The following SSU72 variants were observed in gnomAD, a reference collection of about 807,000 sequenced individuals.
SSU72 encodes RNA polymerase II subunit A C-terminal domain phosphatase SSU72.
A neutral mutation model predicts 22.7 loss-of-function variants in SSU72; 12 were observed. That is an observed-to-expected ratio of 0.53 (90% CI 0.34 to 0.86). SSU72 has a LOEUF of 0.86. SSU72 is among the 40% of genes least tolerant of loss of function. The pLI is 0.02. For synonymous variants in SSU72, 116 were observed against 98.3 expected, an observed-to-expected ratio of 1.18 and a Z score of -1.06; for missense variants, 151 against 249.8, an observed-to-expected ratio of 0.60 and a Z score of 2.67.
At chr1:1,568,417 C>T (rs926054416) in intron 1 of SSU72, among the ~76,000 whole-genome samples, 8 of 152,104 alleles carry the variant, frequency 5.3e-5, no homozygotes, top group African/African-American at 1.9e-4. Flanking sequence ...CATGACAAAA[C>T]CCCGTCTCTA....
chr1:1,556,831 C>T (rs1008408207), intron 2 of SSU72, among the ~76,000 whole-genome samples: 1 of 152,218 alleles, frequency 6.6e-6, no homozygotes, highest in African/African-American at 2.4e-5. Flanking sequence ...TGACCCTGGG[C>T]TACCTCTTGA....
intron 1 of SSU72, among the ~76,000 whole-genome samples, chr1:1,569,356 C>T (rs771216015): frequency 6.6e-6 from 1 of 152,136 alleles, no homozygotes; most frequent in Non-Finnish European, 1.5e-5. Context: ...ACTCCCAGGA[C>T]TCTGGTATTT....
At chr1:1,557,058 G>A (rs115315351) in intron 2 of SSU72, among the ~76,000 whole-genome samples, 1,551 of 152,288 alleles carry the variant, frequency 0.01, 13 homozygotes, top group Non-Finnish European at 0.017. Context: ...TCTGGGAATC[G>A]GCGTCTGGCT....
At chr1:1,564,537 A>C (rs1642634555) in intron 2 of SSU72, 2 of 1,552,240 alleles carry the variant, frequency 1.3e-6, no homozygotes, top group Non-Finnish European at 1.7e-6. Context: ...GAACCACGTC[A>C]GGGTGAACCC....
At position 1,554,950 on chromosome 1, in the gene SSU72, A is replaced by T. The variant is rs534387463; in HGVS notation, c.224+9823T>A. On this transcript the variant is annotated intron_variant, in intron 2 of 4. Coordinates refer to ENST00000291386, the MANE Select transcript of SSU72 (RefSeq NM_014188.3). This position sits in a 1 kb window ranked among gnomAD's most constrained non-coding sequence, Gnocchi z 4.1. Reference sequence around the variant, plus strand: ...GACGTCAAGTCTCCTGAAGGTGTTGATGCTCCGTGGAAGCCTTGGTCCTTC... The same window carrying T: ...GACGTCAAGTCTCCTGAAGGTGTTGTTGCTCCGTGGAAGCCTTGGTCCTTC... Among the ~76,000 whole-genome samples, 25 of 152,178 alleles carry T rather than the reference A, an allele frequency of 1.6e-4. No homozygotes were observed. The highest frequency in any genetic ancestry group is 6.0e-4 in the African/African-American group (25 of 41,524).
intron 1 of SSU72, among the ~76,000 whole-genome samples, chr1:1,569,456 T>G (rs949991282): frequency 6.6e-6 from 1 of 152,108 alleles, no homozygotes; most frequent in Non-Finnish European, 1.5e-5. Context: ...ATCAGGAAAA[T>G]AGAGTCCACG....
intron 1 of SSU72, among the ~76,000 whole-genome samples, chr1:1,566,226 CT>C (rs1642659378): frequency 6.6e-6 from 1 of 152,186 alleles, no homozygotes; most frequent in South Asian, 2.1e-4. Context: ...GATCTCACCA[CT>C]GCACTCCAGC....
chr1:1,564,648 C>T (rs1642637271), intron 2 of SSU72, 125 bp downstream of exon 2: 9 of 1,613,992 alleles, frequency 5.6e-6, no homozygotes, highest in South Asian at 5.5e-5. Flanking sequence ...ACCAAGCTCT[C>T]GCAAAGACAG....
chr1:1,574,659 A>G lies in SSU72; in HGVS notation c.-102T>C, dbSNP rs1400516953. 177 of 1,080,526 alleles carry G rather than the reference A, an allele frequency of 1.6e-4. No homozygotes were observed. Among genetic ancestry groups the G allele is most frequent in the Middle Eastern group, 3.1e-4 (1 of 3,252 alleles). The allele number at this position is 1,080,526 out of a possible 1,614,324, so 66.9% of individuals were successfully genotyped here. Reference sequence around the variant, plus strand: ...CGGCCGCGGTGGCCGGAAGCGGGCGACGCGAAACGACGGCGCCGGCGGTGT... The same window carrying G: ...CGGCCGCGGTGGCCGGAAGCGGGCGGCGCGAAACGACGGCGCCGGCGGTGT... On this transcript the variant is annotated 5_prime_UTR_variant, in exon 1 of 5. Coordinates refer to ENST00000291386, the MANE Select transcript of SSU72 (RefSeq NM_014188.3).
At chr1:1,574,121 T>C (rs1245752831) in intron 1 of SSU72, among the ~76,000 whole-genome samples, 3 of 151,906 alleles carry the variant, frequency 2.0e-5, no homozygotes, top group African/African-American at 7.3e-5. Context: ...GCCGTGATTG[T>C]GTTGCGCGCC....
chr1:1,566,630 ATCATGAGG>A (rs1324292327), intron 1 of SSU72, among the ~76,000 whole-genome samples: 3 of 152,196 alleles, frequency 2.0e-5, no homozygotes, highest in Non-Finnish European at 4.4e-5. Context: ...AGGTGGGCAG[ATCATGAGG>A]TCAGGAGATC....
At chr1:1,570,915 C>G (rs375978082) in intron 1 of SSU72, among the ~76,000 whole-genome samples, 4 of 147,134 alleles carry the variant, frequency 2.7e-5, no homozygotes, top group Non-Finnish European at 6.0e-5. Flanking sequence ...ATCGAGACCA[C>G]CCTGGCCAAC....
At position 1,559,810 on chromosome 1, in the gene SSU72, TC is replaced by T. The variant is rs567887137; in HGVS notation, c.224+4962del. On this transcript the variant is annotated intron_variant, in intron 2 of 4. Transcript: ENST00000291386. ...GGTGCAACTTCGGCTCACGGCAACCTCCATCTCCCAGGTTCAAGTGATTCTC... is the reference window on the plus strand; with the variant it reads ...GGTGCAACTTCGGCTCACGGCAACCTCATCTCCCAGGTTCAAGTGATTCTC... 3.3e-3 allele frequency among the ~76,000 whole-genome samples: 507 copies of T among 152,298 alleles called. 3 individuals are homozygous for T. Among genetic ancestry groups the T allele is most frequent in the African/African-American group, 0.011 (472 of 41,560 alleles).
chr1:1,574,603 C>G lies in SSU72; in HGVS notation c.-46G>C. 1.3e-6 allele frequency: 2 copies of G among 1,532,972 alleles called. No individual in the cohort carries two copies. The highest frequency in any genetic ancestry group is 1.8e-6 in the Non-Finnish European group (2 of 1,139,936). The allele number at this position is 1,532,972 out of a possible 1,614,324, so 95.0% of individuals were successfully genotyped here. A position where few individuals can be genotyped will look rare whatever the true frequency, so the allele number is the denominator to read the frequency against. On this transcript the variant is annotated 5_prime_UTR_variant, in exon 1 of 5. Transcript: ENST00000291386. ...CGGCTCTCCCGCTTGGGTTCCCACCCTACCGCGGCGCTTCCGCGCGAACAA... is the reference window on the plus strand; with the variant it reads ...CGGCTCTCCCGCTTGGGTTCCCACCGTACCGCGGCGCTTCCGCGCGAACAA...
At chr1:1,558,187 T>G (rs1570391808) in intron 2 of SSU72, among the ~76,000 whole-genome samples, 4 of 138,622 alleles carry the variant, frequency 2.9e-5, no homozygotes, top group African/African-American at 8.6e-5. Flanking sequence ...GGCAACAGAG[T>G]GAGACTCTGT....
Position 1,543,869 on chromosome 1 carries a change from A to G in SSU72, c.483T>C (p.Cys161=), listed in dbSNP as rs575634346. Residue 161 remains cysteine (C), a splice_region_variant and synonymous_variant, in exon 4 of 5, where the codon TGT becomes TGC. Coordinates refer to ENST00000291386, the MANE Select transcript of SSU72 (RefSeq NM_014188.3). The part of the protein sequence containing the change: ...GAFLICELCQ[C]IQHTEDMENE... ...GCGCGGCGCCCAGCCGGGTACTTAC[A>G]CACTGGCAGAGCTCACAGATGAGAA... is the stretch of plus-strand genomic sequence containing the variant. 6.2e-7 allele frequency: 1 copy of G among 1,611,926 alleles called. No individual in the cohort carries two copies. Among genetic ancestry groups the G allele is most frequent in the South Asian group, 1.1e-5 (1 of 91,014 alleles).
chr1:1,552,756 C>T (rs1222673910), intron 2 of SSU72, among the ~76,000 whole-genome samples: 1 of 152,224 alleles, frequency 6.6e-6, no homozygotes, highest in Non-Finnish European at 1.5e-5. Flanking sequence ...CGCGGTGCCT[C>T]ACTCCTGTAA....
At chr1:1,568,666 TGTAATCCCAACACTTTGGGAGGC>T (rs1175150991) in intron 1 of SSU72, among the ~76,000 whole-genome samples, 2 of 152,138 alleles carry the variant, frequency 1.3e-5, no homozygotes, top group African/African-American at 4.8e-5. Context: ...GGCTCACGCC[TGTAATCCCAACACTTTGGGAGGC>T]GGAGGAGGAC....
intron 2 of SSU72, among the ~76,000 whole-genome samples, chr1:1,559,693 G>C (rs568550568): frequency 6.6e-6 from 1 of 152,104 alleles, no homozygotes; most frequent in East Asian, 1.9e-4. Context: ...CTGAGCAGCT[G>C]GGATTACAGG....
Sources: allele counts gnomAD v4.1 joint callset (sites outside exome capture counted in the v4.1 genomes callset), GRCh38; gene constraint gnomAD v4.1.1; non-coding constraint Gnocchi (gnomAD v3.1); transcripts MANE v1.5; gene names NCBI Gene and HGNC (gene_info 2026-07-23, HGNC 2026-07-21).